The following GALNTL6 variants were observed in gnomAD, a reference collection of about 807,000 sequenced individuals.
GALNTL6 encodes the protein polypeptide N-acetylgalactosaminyltransferase-like 6.
GALNTL6 carries 46 observed loss-of-function variants against 73.7 expected under a neutral mutation model. The ratio of observed to expected loss-of-function variants is 0.62; its 90% CI spans 0.49 to 0.80. The LOEUF is 0.80. Ranked by LOEUF, GALNTL6 falls within the 30% of genes least tolerant of loss-of-function variation. The pLI is 0.00. For missense variants in GALNTL6, 604 were observed against 755.0 expected, an observed-to-expected ratio of 0.80 and a Z score of 2.34; for synonymous variants, 259 against 263.7, an observed-to-expected ratio of 0.98 and a Z score of 0.17.
intron 2 of GALNTL6, among the ~76,000 whole-genome samples, chr4:171,988,384 T>C (rs972712264): frequency 2.0e-4 from 31 of 152,330 alleles, no homozygotes; most frequent in South Asian, 4.1e-4. Flanking sequence ...TAATAGGGGC[T>C]GTCTGTGAAG....
intron 2 of GALNTL6, among the ~76,000 whole-genome samples, chr4:172,204,351 T>C (rs1736044952): frequency 6.6e-6 from 1 of 152,206 alleles, no homozygotes; most frequent in Non-Finnish European, 1.5e-5. Flanking sequence ...TCATTAAAGA[T>C]TCAGTATGAA....
At chr4:172,209,610 A>G (rs193030446) in intron 2 of GALNTL6, among the ~76,000 whole-genome samples, 1 of 152,104 alleles carries the variant, frequency 6.6e-6, no homozygotes, top group Non-Finnish European at 1.5e-5. Flanking sequence ...GATGTCCACA[A>G]CTGTCACTGA....
intron 2 of GALNTL6, among the ~76,000 whole-genome samples, chr4:172,099,075 A>G (rs1017640706): frequency 6.6e-6 from 1 of 152,176 alleles, no homozygotes; most frequent in Non-Finnish European, 1.5e-5. Context: ...CAGTAGAAGG[A>G]ATATCAAGAA....
chr4:172,261,255 A>G (rs1738248470), intron 3 of GALNTL6, among the ~76,000 whole-genome samples: 1 of 151,156 alleles, frequency 6.6e-6, no homozygotes, highest in South Asian at 2.1e-4. Context: ...GTTGTTGACA[A>G]TTTTTAAATT....
rs757094840 is a variant in GALNTL6, at chr4:171,954,716, G to A, written c.138+139998G>A. On this transcript the variant is annotated intron_variant, in intron 2 of 12. Transcript: ENST00000506823. ...TGGGTCCCTGCCCAAATCTCTTGTCGAATTGTAATCCCCAATGTTGGTGGA... is the reference window on the plus strand; with the variant it reads ...TGGGTCCCTGCCCAAATCTCTTGTCAAATTGTAATCCCCAATGTTGGTGGA... 3.9e-5 allele frequency among the ~76,000 whole-genome samples: 6 copies of A among 152,080 alleles called. 1 individual carries two copies. Among genetic ancestry groups the A allele is most frequent in the Admixed American group, 2.6e-4 (4 of 15,260 alleles).
intron 5 of GALNTL6, among the ~76,000 whole-genome samples, chr4:172,408,560 C>G (rs911274769): frequency 6.6e-6 from 1 of 151,874 alleles, no homozygotes; most frequent in Non-Finnish European, 1.5e-5. Flanking sequence ...AGAAGCAACT[C>G]TACACATGCA....
At chr4:171,902,786 G>A (rs150541890) in intron 2 of GALNTL6, among the ~76,000 whole-genome samples, 112 of 152,246 alleles carry the variant, frequency 7.4e-4, no homozygotes, top group African/African-American at 2.3e-3. Flanking sequence ...TAATCTAGAC[G>A]TGGACATTAA....
intron 5 of GALNTL6, among the ~76,000 whole-genome samples, chr4:172,804,044 A>C (rs1013759165): frequency 6.6e-6 from 1 of 152,242 alleles, no homozygotes; most frequent in African/African-American, 2.4e-5. Context: ...AGTGTAAAGA[A>C]TATAGAAAAT....
intron 2 of GALNTL6, among the ~76,000 whole-genome samples, chr4:171,986,273 AAG>A (rs941462207): frequency 6.7e-6 from 1 of 149,108 alleles, no homozygotes; most frequent in East Asian, 2.1e-4. Context: ...ATTACAGTCA[AAG>A]GGGGGGTGTT....
Position 172,981,297 on chromosome 4 carries a change from C to T in GALNTL6, c.1372-27881C>T, listed in dbSNP as rs796118103. ...TTAAACTTTTCTTCCATAGCAGCTA[C>T]CCCATTTGGCATTCCTACCAACAGT... On this transcript the variant is annotated intron_variant, in intron 10 of 12. Transcript: ENST00000506823. 9.2e-5 allele frequency among the ~76,000 whole-genome samples: 14 copies of T among 152,286 alleles called. 1 individual carries two copies. Among genetic ancestry groups the T allele is most frequent in the African/African-American group, 3.4e-4 (14 of 41,546 alleles).
chr4:172,469,552 G>A (rs1011169634), intron 5 of GALNTL6, among the ~76,000 whole-genome samples: 1 of 152,184 alleles, frequency 6.6e-6, no homozygotes, highest in Admixed American at 6.5e-5. Flanking sequence ...TTGAGCCCAG[G>A]ATTTGGAGGC....
At chr4:172,663,775 A>G (rs1180852689) in intron 5 of GALNTL6, among the ~76,000 whole-genome samples, 5 of 152,034 alleles carry the variant, frequency 3.3e-5, no homozygotes, top group Non-Finnish European at 5.9e-5. Flanking sequence ...CTAAAAATAT[A>G]AAAAATTAGC....
chr4:172,989,792 C>T (rs1339989616), intron 10 of GALNTL6, among the ~76,000 whole-genome samples: 1 of 152,204 alleles, frequency 6.6e-6, no homozygotes, highest in Non-Finnish European at 1.5e-5. Flanking sequence ...CCAATTAAAC[C>T]TCTTTTCTTA....
intron 2 of GALNTL6, among the ~76,000 whole-genome samples, chr4:171,855,068 C>T (rs558901252): frequency 2.6e-5 from 4 of 151,862 alleles, no homozygotes; most frequent in Non-Finnish European, 5.9e-5. Context: ...TTATTAGCAT[C>T]TTGCATTAGT....
At chr4:171,959,523 C>T (rs332970) in intron 2 of GALNTL6, among the ~76,000 whole-genome samples, 84,017 of 151,896 alleles carry the variant, frequency 0.55, 25,023 homozygotes, top group African/African-American at 0.77. Flanking sequence ...TTTTTAGGGG[C>T]GCTGGGGTGT....
At chr4:172,688,652 T>C (rs185200800) in intron 5 of GALNTL6, among the ~76,000 whole-genome samples, 205 of 152,330 alleles carry the variant, frequency 1.3e-3, no homozygotes, top group South Asian at 2.3e-3. Flanking sequence ...TTCTTAGGTC[T>C]GTGCTCCAGC....
intron 5 of GALNTL6, among the ~76,000 whole-genome samples, chr4:172,517,615 C>A (rs1205942745): frequency 1.3e-5 from 2 of 152,082 alleles, no homozygotes; most frequent in Admixed American, 6.6e-5. Context: ...AACTCCTCTA[C>A]CTTTTAGTTT....
In GALNTL6 at chr4:172,635,989, C is replaced by T. The variant is rs138539383; in HGVS notation, c.554-173372C>T. ...AGATTCCTTGAAATAAATTTTCAGT[C>T]CACCTTTCAAGCACTGTCTTCATTG... On this transcript the variant is annotated intron_variant, in intron 5 of 12. Coordinates refer to ENST00000506823, the MANE Select transcript of GALNTL6 (RefSeq NM_001034845.3). Among the ~76,000 whole-genome samples, 335 of 152,254 alleles carry T rather than the reference C, an allele frequency of 2.2e-3. 2 individuals carry two copies. The highest frequency in any genetic ancestry group is 7.6e-3 in the African/African-American group (316 of 41,548).
intron 2 of GALNTL6, among the ~76,000 whole-genome samples, chr4:171,947,698 A>C (rs1427349261): frequency 2.0e-5 from 3 of 152,170 alleles, no homozygotes; most frequent in Non-Finnish European, 4.4e-5. Context: ...CCTCTGGTCC[A>C]CATGACCCAG....
Sources: allele counts gnomAD v4.1 joint callset (sites outside exome capture counted in the v4.1 genomes callset), GRCh38; gene constraint gnomAD v4.1.1; transcripts MANE v1.5; gene names NCBI Gene and HGNC (gene_info 2026-07-23, HGNC 2026-07-21).